Variants in CCT3 observed in about 807,000 individuals in gnomAD.
CCT3 encodes the protein chaperonin containing TCP1 subunit 3, also known as T-complex protein 1 subunit gamma.
CCT3 carries 10 observed loss-of-function variants against 65.3 expected under a neutral mutation model. That is an observed-to-expected ratio of 0.15 (90% CI 0.09 to 0.26). CCT3 has a LOEUF of 0.26. Among genes scored for constraint, CCT3 ranks in the 10% least tolerant of loss-of-function variants. CCT3 has a pLI of 1.00. For synonymous variants in CCT3, 225 were observed against 242.3 expected, an observed-to-expected ratio of 0.93 and a Z score of 0.66; for missense variants, 626 against 708.7, an observed-to-expected ratio of 0.88 and a Z score of 1.33.
chr1:156,331,482 A>T (rs1187853257), intron 5 of CCT3, among the ~76,000 whole-genome samples: 3 of 152,110 alleles, frequency 2.0e-5, no homozygotes, highest in African/African-American at 4.8e-5. Flanking sequence ...CAGGAGTTCG[A>T]GATCAGTCTG....
intron 6 of CCT3, among the ~76,000 whole-genome samples, chr1:156,322,077 C>T (rs1297516066): frequency 6.6e-6 from 1 of 152,116 alleles, no homozygotes; most frequent in African/African-American, 2.4e-5. Context: ...AGCAAAACCT[C>T]ATCTCTATGA....
chr1:156,335,019 A>G (rs1409817856), intron 2 of CCT3, 101 bp from the exon 3 acceptor site: 1 of 914,700 alleles, frequency 1.1e-6, no homozygotes, highest in East Asian at 2.5e-5. Context: ...CCACAGAGTC[A>G]GTGTTTTATT....
chr1:156,322,759 T>A (rs2101649971), intron 6 of CCT3, among the ~76,000 whole-genome samples: 1 of 151,984 alleles, frequency 6.6e-6, no homozygotes, highest in East Asian at 1.9e-4. Flanking sequence ...CTCGGGAGGC[T>A]GAGGCAGGAA....
At chr1:156,325,508 A>G (rs1664761068) in intron 5 of CCT3, among the ~76,000 whole-genome samples, 1 of 152,102 alleles carries the variant, frequency 6.6e-6, no homozygotes, top group Admixed American at 6.6e-5. Flanking sequence ...AATCTGGGTG[A>G]CAGAGTGAGA....
rs750675030 is a variant in CCT3, at chr1:156,320,875, T to C, written c.573A>G (p.Lys191=). The part of the protein sequence containing the change: ...KMVQFEENGR[K]EIDIKKYARV... ...TTGCATATTTTTTTATGTCAATCTC[T>C]TTCCGACCATTCTCCTCAAACTGTA... Residue 191 remains lysine (K), a synonymous_variant, in exon 7 of 14, where the codon AAA becomes AAG. Coordinates refer to ENST00000295688, the MANE Select transcript of CCT3 (RefSeq NM_005998.5). 7 of 1,613,536 alleles carry C rather than the reference T, an allele frequency of 4.3e-6. No individual in the cohort carries two copies. Among genetic ancestry groups the C allele is most frequent in the Non-Finnish European group, 5.9e-6 (7 of 1,179,618 alleles).
At chr1:156,332,035 A>AG (rs1665123063) in intron 5 of CCT3, among the ~76,000 whole-genome samples, 1 of 116,784 alleles carries the variant, frequency 8.6e-6, no homozygotes, top group Admixed American at 1.0e-4. Flanking sequence ...TCCATCTCAA[A>AG]AAAAAAAAGA....
rs144835811 is a variant in CCT3, at chr1:156,326,813, G to A, written c.305-1724C>T. Among the ~76,000 whole-genome samples the A allele has an allele frequency of 4.1e-3, 622 of 152,208 alleles. 7 individuals carry two copies. The highest frequency in any genetic ancestry group is 0.014 in the African/African-American group (583 of 41,526). ...TGTAATCCCAGCACTTTGGGAAGCCGAGGCAGGCAAATCGCTTGAGACCAG... is the reference window on the plus strand; with the variant it reads ...TGTAATCCCAGCACTTTGGGAAGCCAAGGCAGGCAAATCGCTTGAGACCAG... On this transcript the variant is annotated intron_variant, in intron 5 of 13. Transcript: ENST00000295688.
At chr1:156,337,638 C>T (rs899456817) in intron 1 of CCT3, 11 of 167,508 alleles carry the variant, frequency 6.6e-5, no homozygotes, top group African/African-American at 2.2e-4. Context: ...AGGATATTAC[C>T]TATTTACCAG....
chr1:156,335,224 C>A, intron 2 of CCT3: 1 of 300,960 alleles, frequency 3.3e-6, no homozygotes, highest in Non-Finnish European at 6.2e-6. Flanking sequence ...TCACTTTAGA[C>A]ATAGCATGCC....
intron 5 of CCT3, among the ~76,000 whole-genome samples, chr1:156,330,888 T>C (rs1051678202): frequency 2.0e-5 from 3 of 151,828 alleles, no homozygotes; most frequent in Admixed American, 2.0e-4. Context: ...CACTCCAGCC[T>C]GGGCGACTCT....
rs747046464 is a variant in CCT3 at position 156,333,572 on chromosome 1, A to G, written c.279T>C (p.Asp93=). 6.2e-6 allele frequency: 10 copies of G among 1,613,966 alleles called. No homozygotes were observed. The highest frequency in any genetic ancestry group is 8.5e-6 in the Non-Finnish European group (10 of 1,179,874). The change falls in exon 5 of 14, where the codon GAT becomes GAC. Residue 93 remains aspartate, a synonymous_variant. Coordinates refer to ENST00000295688, the MANE Select transcript of CCT3 (RefSeq NM_005998.5). ...ISRTQDEEVG[D]GTTSVIILAG... is the part of the protein sequence containing the mutation. The stretch of plus-strand genomic sequence containing the variant: ...CAAGAATAATTACTGATGTGGTCCC[A>G]TCTCCAACCTCTTCATCCTGGGTCC...
chr1:156,328,872 A>T (rs12142634), intron 5 of CCT3, among the ~76,000 whole-genome samples: 35,303 of 151,418 alleles, frequency 0.23, 4,729 homozygotes, highest in Non-Finnish European at 0.29. Flanking sequence ...AAATAAAAAA[A>T]AAAAATGTAC....
chr1:156,309,239 T>C lies in CCT3; in HGVS notation c.1598A>G (p.Gln533Arg). ...VSGHKKKGDDQSRQGGAPDAG... is the reference protein window; with the variant it reads ...VSGHKKKGDDRSRQGGAPDAG... ...ATCAGGAGCCCCGCCTTGCCGGCTCTGGTCATCGCCTTTCTTTTTGTGGCC... is the reference window on the plus strand; with the variant it reads ...ATCAGGAGCCCCGCCTTGCCGGCTCCGGTCATCGCCTTTCTTTTTGTGGCC... The change falls in exon 14 of 14, where the codon CAG (glutamine) becomes CGG (arginine). Residue 533 changes from glutamine to arginine, a missense_variant. Physicochemically the swap from Gln to Arg is conservative, Grantham distance 43. Transcript: ENST00000295688. 6.2e-7 allele frequency: 1 copy of C among 1,614,090 alleles called. No homozygotes were observed. The highest frequency in any genetic ancestry group is 1.1e-5 in the South Asian group (1 of 91,082).
At chr1:156,309,399 G>A (rs972334660) in intron 13 of CCT3, 96 bp from the exon 14 acceptor site, 1 of 812,176 alleles carries the variant, frequency 1.2e-6, no homozygotes, top group Admixed American at 2.1e-5. Context: ...CTATGGAACT[G>A]CCATTTTGTC....
chr1:156,335,206 G>C (rs1665283331), intron 2 of CCT3: 1 of 352,610 alleles, frequency 2.8e-6, no homozygotes, highest in African/African-American at 2.1e-5. Context: ...CTAAAGCATG[G>C]TTAGCCATCA....
In CCT3 at chr1:156,312,025, T is replaced by C. The variant is rs756437133; in HGVS notation, c.1155+16A>G. On this transcript the variant is annotated intron_variant, in intron 11 of 13. Coordinates refer to ENST00000295688, the MANE Select transcript of CCT3 (RefSeq NM_005998.5). Reference sequence around the variant, plus strand: ...GTGATCTACTTCATCTGGTCATACATCCAAGGCTGACTCACCGAGAGAATC... The same window carrying C: ...GTGATCTACTTCATCTGGTCATACACCCAAGGCTGACTCACCGAGAGAATC... 1 of 1,597,266 alleles carries C rather than the reference T, an allele frequency of 6.3e-7. No individual in the cohort carries two copies. Among genetic ancestry groups the C allele is most frequent in the East Asian group, 2.3e-5 (1 of 44,408 alleles).
At chr1:156,334,386 G>A (rs768904807) in intron 4 of CCT3, among the ~76,000 whole-genome samples, 1 of 152,166 alleles carries the variant, frequency 6.6e-6, no homozygotes, top group Non-Finnish European at 1.5e-5. Flanking sequence ...AATCACCGGT[G>A]TCCTTGTGTA....
chr1:156,324,604 T>A (rs1260172595), intron 6 of CCT3, among the ~76,000 whole-genome samples: 1 of 152,102 alleles, frequency 6.6e-6, no homozygotes, highest in Non-Finnish European at 1.5e-5. Flanking sequence ...CCTGAGTAGC[T>A]GGCATTACAG....
At position 156,310,563 on chromosome 1, in the gene CCT3, C is replaced by T. The variant is rs763139918; in HGVS notation, c.1528G>A (p.Val510Met). The T allele has an allele frequency of 1.1e-4, 179 of 1,612,756 alleles. 2 individuals carry two copies. The South Asian group carries it at 1.6e-3, about 14-fold the overall frequency. Reference protein sequence around the residue: ...AVKLQTYKTAVETAVLLLRID... With the variant: ...AVKLQTYKTAMETAVLLLRID... ...CATATCTTAGGGTGCCTTACCTCCACTGCTGTCTTATAAGTCTGCAGCTTC... is the reference window on the plus strand; with the variant it reads ...CATATCTTAGGGTGCCTTACCTCCATTGCTGTCTTATAAGTCTGCAGCTTC... The change falls in exon 13 of 14, where the codon GTG becomes ATG. Residue 510 changes from valine to methionine, a missense_variant. Coordinates refer to ENST00000295688, the MANE Select transcript of CCT3 (RefSeq NM_005998.5).
Sources: allele counts gnomAD v4.1 joint callset (sites outside exome capture counted in the v4.1 genomes callset), GRCh38; gene constraint gnomAD v4.1.1; transcripts MANE v1.5; gene names NCBI Gene and HGNC (gene_info 2026-07-23, HGNC 2026-07-21).